MTHFD1: variants seen among roughly 807,000 people sequenced by gnomAD.
The protein encoded by MTHFD1 is C-1-tetrahydrofolate synthase, cytoplasmic.
MTHFD1 carries 44 observed loss-of-function variants against 110.3 expected under a neutral mutation model. The ratio of observed to expected loss-of-function variants is 0.40; its 90% CI spans 0.31 to 0.51. The LOEUF (loss-of-function observed/expected upper bound fraction) is 0.51. Among genes scored for constraint, MTHFD1 ranks in the 20% least tolerant of loss-of-function variants. The probability of loss-of-function intolerance (pLI) is 0.60; values close to 1 mark genes in which losing one functional copy is unlikely to be tolerated. For missense variants in MTHFD1, 909 were observed against 1,173.1 expected, an observed-to-expected ratio of 0.77 and a Z score of 3.29; for synonymous variants, 402 against 428.8, an observed-to-expected ratio of 0.94 and a Z score of 0.77.
At position 64,419,981 on chromosome 14, in the gene MTHFD1, C is replaced by T. The variant is rs2078056021; in HGVS notation, c.727+56C>T. ...CTGGTATTGAGGATGGTATCTAGGTCATCAAAAGAAGCCTGAGAGAGAAGC... is the reference window on the plus strand; with the variant it reads ...CTGGTATTGAGGATGGTATCTAGGTTATCAAAAGAAGCCTGAGAGAGAAGC... On this transcript the variant is annotated intron_variant, in intron 8 of 27. Transcript: ENST00000652337. The T allele has an allele frequency of 2.6e-5, 32 of 1,214,752 alleles. No individual in the cohort carries two copies. The South Asian group carries it at 3.7e-4, about 14-fold the overall frequency. 75.2% of individuals were successfully genotyped at this position (1,214,752 alleles called of 1,614,324 possible). A position where few individuals can be genotyped will look rare whatever the true frequency, so the allele number is the denominator to read the frequency against.
chr14:64,427,761 G>A (rs2078128988), intron 12 of MTHFD1, among the ~76,000 whole-genome samples: 1 of 152,146 alleles, frequency 6.6e-6, no homozygotes, highest in African/African-American at 2.4e-5. Context: ...TAACCATAAA[G>A]GTAATCATAG....
At chr14:64,420,901 G>C (rs745614161) in intron 8 of MTHFD1, among the ~76,000 whole-genome samples, 4 of 152,146 alleles carry the variant, frequency 2.6e-5, no homozygotes, top group Admixed American at 1.3e-4. Flanking sequence ...TCTTAGTGGA[G>C]TGGGCTACTC....
chr14:64,444,199 C>T (rs1327657940), intron 21 of MTHFD1, among the ~76,000 whole-genome samples: 1 of 152,120 alleles, frequency 6.6e-6, no homozygotes, highest in East Asian at 1.9e-4. Flanking sequence ...GTATTGTTTT[C>T]CCTCTTGTTT....
intron 13 of MTHFD1, among the ~76,000 whole-genome samples, chr14:64,430,756 G>A (rs2078151794): frequency 6.6e-6 from 1 of 152,190 alleles, no homozygotes; most frequent in South Asian, 2.1e-4. Flanking sequence ...GGCTTTCAGT[G>A]GGAATGATTA....
chr14:64,394,327 T>C (rs2077830274), intron 1 of MTHFD1, among the ~76,000 whole-genome samples: 2 of 152,134 alleles, frequency 1.3e-5, no homozygotes, highest in Non-Finnish European at 2.9e-5. Flanking sequence ...GGGCTTGTCA[T>C]TGGCTTGCTA....
intron 24 of MTHFD1, 99 bp from the exon 25 acceptor site, chr14:64,453,654 GC>G: frequency 2.7e-6 from 2 of 734,322 alleles, no homozygotes; most frequent in South Asian, 1.5e-5. Flanking sequence ...ACCATCTTCT[GC>G]CCCTTTTAGG....
intron 21 of MTHFD1, among the ~76,000 whole-genome samples, chr14:64,444,172 A>T (rs943884208): frequency 3.3e-5 from 5 of 152,284 alleles, no homozygotes; most frequent in Middle Eastern, 3.4e-3. Flanking sequence ...TCTACAAAAG[A>T]GAAAGAAAAT....
At chr14:64,408,285 C>CCT (rs34166790) in intron 2 of MTHFD1, among the ~76,000 whole-genome samples, 41,799 of 120,832 alleles carry the variant, frequency 0.35, 8,825 homozygotes, top group South Asian at 0.56. Flanking sequence ...AATCAGCATT[C>CCT]TTTTTTTTTT....
rs554820849 is a variant in MTHFD1 at position 64,441,954 on chromosome 14, T to C, written c.1885-100T>C. The stretch of plus-strand genomic sequence containing the variant: ...CTTTATATTTTCCCTCTGGGAAGTA[T>C]TCTTCCTTCCGATTCCAAATCAATT... On this transcript the variant is annotated intron_variant, in intron 19 of 27. Coordinates refer to ENST00000652337, the MANE Select transcript of MTHFD1 (RefSeq NM_005956.4). 50 of 805,826 alleles carry C rather than the reference T, an allele frequency of 6.2e-5. No homozygotes were observed. The Admixed American group carries it at 7.0e-4, about 11-fold the overall frequency. The allele number at this position is 805,826 out of a possible 1,614,324, so 49.9% of individuals were successfully genotyped here.
At chr14:64,397,190 TAA>T (rs1170738947) in intron 1 of MTHFD1, among the ~76,000 whole-genome samples, 715 of 5,156 alleles carry the variant, frequency 0.14, 140 homozygotes, top group Admixed American at 0.19. Flanking sequence ...TATATATATA[TAA>T]AAAACAGTAA....
intron 22 of MTHFD1, among the ~76,000 whole-genome samples, chr14:64,447,450 G>A (rs1025548982): frequency 6.9e-6 from 1 of 144,812 alleles, no homozygotes; most frequent in Non-Finnish European, 1.5e-5. Flanking sequence ...CACCAGGTCC[G>A]GCCCTTTTTT....
chr14:64,446,008 C>A (rs1315729882), intron 22 of MTHFD1, among the ~76,000 whole-genome samples: 2 of 152,040 alleles, frequency 1.3e-5, no homozygotes, highest in African/African-American at 4.8e-5. Flanking sequence ...CCTATTTCTG[C>A]TTTTTTGGGA....
chr14:64,456,198 CACAG>C (rs1031578609), intron 26 of MTHFD1, among the ~76,000 whole-genome samples: 31 of 146,132 alleles, frequency 2.1e-4, no homozygotes, highest in African/African-American at 7.3e-4. Flanking sequence ...TGGAGAGAGA[CACAG>C]CCTGCCGAAC....
intron 1 of MTHFD1, among the ~76,000 whole-genome samples, chr14:64,389,832 C>A (rs1416462838): frequency 6.6e-6 from 1 of 152,080 alleles, no homozygotes; most frequent in Non-Finnish European, 1.5e-5. Flanking sequence ...ACTTCCTTTT[C>A]CAGTGGCTTT....
intron 24 of MTHFD1, among the ~76,000 whole-genome samples, chr14:64,451,102 G>A (rs1304504664): frequency 6.6e-6 from 1 of 152,110 alleles, no homozygotes; most frequent in Admixed American, 6.5e-5. Context: ...CCGGGAGGCG[G>A]ACGTTGCAAT....
intron 11 of MTHFD1, 93 bp downstream of exon 11, chr14:64,426,285 C>T (rs761738986): frequency 7.0e-7 from 1 of 1,438,708 alleles, no homozygotes; most frequent in Non-Finnish European, 9.7e-7. Context: ...TGTAGAGGTG[C>T]CTTTAATTTG....
At chr14:64,439,299 T>C (rs1447829167) in intron 17 of MTHFD1, 127 bp downstream of exon 17, 2 of 757,136 alleles carry the variant, frequency 2.6e-6, no homozygotes, top group East Asian at 2.7e-5. Context: ...CCTTTTAAAA[T>C]GGAAGTGAGT....
chr14:64,433,121 G>T (rs61210078), intron 15 of MTHFD1, among the ~76,000 whole-genome samples: 12,398 of 151,688 alleles, frequency 0.082, 869 homozygotes, highest in African/African-American at 0.2. Context: ...TTATTGGTTG[G>T]TTGTTTGTTT....
At chr14:64,408,769 A>G (rs1229275611) in intron 2 of MTHFD1, among the ~76,000 whole-genome samples, 3 of 152,100 alleles carry the variant, frequency 2.0e-5, no homozygotes, top group Non-Finnish European at 4.4e-5. Flanking sequence ...TGGGCAATAG[A>G]GAAACTCCAT....
Sources: allele counts gnomAD v4.1 joint callset (sites outside exome capture counted in the v4.1 genomes callset), GRCh38; gene constraint gnomAD v4.1.1; transcripts MANE v1.5; gene names NCBI Gene and HGNC (gene_info 2026-07-23, HGNC 2026-07-21).